SLC30A8: variants seen among roughly 807,000 people sequenced by gnomAD.
The protein encoded by SLC30A8 is proton-coupled zinc antiporter SLC30A8.
A neutral mutation model predicts 36.9 loss-of-function variants in SLC30A8; 27 were observed. That is an observed-to-expected ratio of 0.73 (90% CI 0.54 to 1.01). The LOEUF (loss-of-function observed/expected upper bound fraction) is 1.01, where lower values mean the gene tolerates loss of function less well. Ranked by LOEUF, SLC30A8 falls within the 50% of genes least tolerant of loss-of-function variation. SLC30A8 has a pLI of 0.00. For synonymous variants in SLC30A8, 164 were observed against 172.4 expected, an observed-to-expected ratio of 0.95 and a Z score of 0.38; for missense variants, 439 against 452.0, an observed-to-expected ratio of 0.97 and a Z score of 0.26.
At chr8:117,138,868 G>C (rs1291554828) in intron 1 of SLC30A8, among the ~76,000 whole-genome samples, 11 of 152,030 alleles carry the variant, frequency 7.2e-5, no homozygotes, top group Non-Finnish European at 1.2e-4. Flanking sequence ...CTACTCATAG[G>C]AGAGGCAGGC....
chr8:117,070,689 CCTGT>C (rs912687432), intron 2 of SLC30A8, among the ~76,000 whole-genome samples: 9 of 152,102 alleles, frequency 5.9e-5, no homozygotes, highest in Non-Finnish European at 1.2e-4. Flanking sequence ...AACCTATTCC[CCTGT>C]CTATCTAAAA....
At chr8:117,159,695 G>A (rs140075268) in intron 4 of SLC30A8, among the ~76,000 whole-genome samples, 4 of 152,230 alleles carry the variant, frequency 2.6e-5, no homozygotes, top group South Asian at 2.1e-4. Flanking sequence ...TGCTGACTAC[G>A]GGTCAATAAA....
intron 2 of SLC30A8, among the ~76,000 whole-genome samples, chr8:117,056,901 G>A (rs1387302422): frequency 6.6e-6 from 1 of 152,082 alleles, no homozygotes; most frequent in East Asian, 1.9e-4. Flanking sequence ...CACAGGAAGT[G>A]GACTAGAGTT....
intron 1 of SLC30A8, among the ~76,000 whole-genome samples, chr8:116,997,036 C>G (rs920697751): frequency 6.6e-6 from 1 of 151,076 alleles, no homozygotes; most frequent in Non-Finnish European, 1.5e-5. Context: ...TCTTCAGAGT[C>G]CAGTTTAGCA....
At chr8:117,084,113 A>T (rs1225404539) in intron 2 of SLC30A8, among the ~76,000 whole-genome samples, 1 of 152,048 alleles carries the variant, frequency 6.6e-6, no homozygotes, top group Non-Finnish European at 1.5e-5. Context: ...AATAGATGAG[A>T]CCTCTTGAGG....
chr8:117,035,667 C>T (rs752982069), intron 1 of SLC30A8, among the ~76,000 whole-genome samples: 17 of 152,240 alleles, frequency 1.1e-4, no homozygotes, highest in Non-Finnish European at 1.8e-4. Flanking sequence ...TTTCACACTG[C>T]CCTAGCAGAG....
chr8:116,988,861 C>T (rs955115253), intron 1 of SLC30A8, among the ~76,000 whole-genome samples: 5 of 152,184 alleles, frequency 3.3e-5, no homozygotes, highest in Admixed American at 3.3e-4. Flanking sequence ...GAAGGAATCC[C>T]TATCTTCTTA....
chr8:117,065,965 A>G (rs1285742854), intron 2 of SLC30A8, among the ~76,000 whole-genome samples: 1 of 152,120 alleles, frequency 6.6e-6, no homozygotes, highest in Non-Finnish European at 1.5e-5. Flanking sequence ...GAAATTTGCC[A>G]CAGATGGATC....
chr8:117,097,865 A>C (rs1378452541), intron 2 of SLC30A8, among the ~76,000 whole-genome samples: 3 of 88,280 alleles, frequency 3.4e-5, no homozygotes, highest in Admixed American at 1.6e-4. Flanking sequence ...TATATATTAT[A>C]TATAATATAT....
At chr8:116,967,211 G>A (rs1814627402) in intron 1 of SLC30A8, among the ~76,000 whole-genome samples, 1 of 152,028 alleles carries the variant, frequency 6.6e-6, no homozygotes, top group Admixed American at 6.6e-5. Flanking sequence ...TTAAACGGTA[G>A]CCTAAATTTA....
chr8:117,044,798 T>A (rs768977091), intron 2 of SLC30A8, among the ~76,000 whole-genome samples: 1 of 152,210 alleles, frequency 6.6e-6, no homozygotes, highest in African/African-American at 2.4e-5. Context: ...TGGTTAAAAT[T>A]CGGGGAATCA....
intron 2 of SLC30A8, among the ~76,000 whole-genome samples, chr8:117,043,119 T>A (rs1286966771): frequency 2.0e-5 from 3 of 152,238 alleles, no homozygotes; most frequent in Non-Finnish European, 4.4e-5. Flanking sequence ...CAGCTTATAT[T>A]TTTTTGGTTG....
At chr8:117,021,340 C>G (rs1214143142) in intron 1 of SLC30A8, among the ~76,000 whole-genome samples, 3 of 152,152 alleles carry the variant, frequency 2.0e-5, no homozygotes, top group African/African-American at 7.2e-5. Flanking sequence ...GAGGTCACCT[C>G]AATTTCTTTT....
At chr8:117,069,814 AG>A (rs996570422) in intron 2 of SLC30A8, among the ~76,000 whole-genome samples, 1 of 152,182 alleles carries the variant, frequency 6.6e-6, no homozygotes, top group African/African-American at 2.4e-5. Context: ...TTGTTTACCC[AG>A]GGGTGGGCGG....
chr8:117,071,448 T>G (rs1818327975), intron 2 of SLC30A8, among the ~76,000 whole-genome samples: 2 of 152,218 alleles, frequency 1.3e-5, no homozygotes, highest in Admixed American at 1.3e-4. Flanking sequence ...TTTTGGATAT[T>G]GACCCCTTAT....
At chr8:117,032,314 C>G (rs1271684696) in intron 1 of SLC30A8, among the ~76,000 whole-genome samples, 1 of 152,168 alleles carries the variant, frequency 6.6e-6, no homozygotes, top group Non-Finnish European at 1.5e-5. Flanking sequence ...TCTCTGAAAA[C>G]AGGAATCATG....
At chr8:116,958,146 G>T (rs941574946) in intron 1 of SLC30A8, among the ~76,000 whole-genome samples, 3 of 152,194 alleles carry the variant, frequency 2.0e-5, no homozygotes, top group African/African-American at 7.2e-5. Context: ...CTTAAGTCAT[G>T]CCACGTCAGG....
intron 2 of SLC30A8, among the ~76,000 whole-genome samples, chr8:117,047,390 T>C (rs1381288438): frequency 6.6e-6 from 1 of 152,138 alleles, no homozygotes; most frequent in Admixed American, 6.6e-5. Flanking sequence ...GCTCTATCCC[T>C]AATTCTTCCT....
At chr8:117,132,330 T>G (rs913135783), upstream of SLC30A8, among the ~76,000 whole-genome samples, 4 of 152,150 alleles carry the variant, frequency 2.6e-5, no homozygotes, top group South Asian at 8.3e-4. Flanking sequence ...ATTAAGAAAT[T>G]GTTGCTGACA....
Sources: gnomAD v4.1 joint callset for allele counts (sites outside exome capture counted in the v4.1 genomes callset) on GRCh38, gnomAD v4.1.1 for gene constraint, MANE v1.5 for transcripts, NCBI Gene and HGNC (gene_info 2026-07-23, HGNC 2026-07-21) for gene names.